The following RPS6KA5 variants were observed in gnomAD, a reference collection of about 807,000 sequenced individuals.
The protein encoded by RPS6KA5 is ribosomal protein S6 kinase alpha-5.
RPS6KA5 carries 27 observed loss-of-function variants against 85.5 expected under a neutral mutation model. The ratio of observed to expected loss-of-function variants is 0.32; its 90% CI spans 0.23 to 0.44. RPS6KA5 has a LOEUF of 0.44. Among genes scored for constraint, RPS6KA5 ranks in the 20% least tolerant of loss-of-function variants. The probability of loss-of-function intolerance (pLI) is 1.00; values close to 1 mark genes in which losing one functional copy is unlikely to be tolerated. For missense variants in RPS6KA5, 811 were observed against 980.9 expected (o/e 0.83, Z 2.31); for synonymous variants, 334 against 348.2 (o/e 0.96, Z 0.46).
intron 1 of RPS6KA5, among the ~76,000 whole-genome samples, chr14:91,031,909 G>C (rs1253055574): frequency 6.6e-5 from 10 of 152,054 alleles, no homozygotes; most frequent in Admixed American, 2.0e-4. Flanking sequence ...GAAAATATTA[G>C]AAAAGAGTAG....
At chr14:90,970,368 T>C (rs574704725) in intron 3 of RPS6KA5, among the ~76,000 whole-genome samples, 8 of 152,334 alleles carry the variant, frequency 5.3e-5, no homozygotes, top group Admixed American at 2.0e-4. Context: ...CTTACAATTA[T>C]TGAGATGAAA....
At chr14:90,909,009 G>A (rs965592112) in intron 7 of RPS6KA5, among the ~76,000 whole-genome samples, 2 of 152,230 alleles carry the variant, frequency 1.3e-5, no homozygotes, top group Non-Finnish European at 2.9e-5. Flanking sequence ...GTTTGATGCT[G>A]TAATGTCGAT....
intron 1 of RPS6KA5, among the ~76,000 whole-genome samples, chr14:91,044,817 G>C (rs967680832): frequency 4.0e-5 from 6 of 150,548 alleles, no homozygotes; most frequent in African/African-American, 1.5e-4. Flanking sequence ...GTTGCAGTGA[G>C]CCGAGACCGC....
intron 2 of RPS6KA5, among the ~76,000 whole-genome samples, chr14:90,980,423 A>G (rs1209792312): frequency 2.6e-5 from 4 of 152,226 alleles, no homozygotes; most frequent in Non-Finnish European, 4.4e-5. Flanking sequence ...CAAGATCACC[A>G]AACATGGCTG....
intron 2 of RPS6KA5, among the ~76,000 whole-genome samples, chr14:90,980,401 G>T (rs1186099247): frequency 6.6e-6 from 1 of 152,162 alleles, no homozygotes; most frequent in Non-Finnish European, 1.5e-5. Context: ...TCAAAACCAG[G>T]AATTCTTTCC....
At chr14:90,912,389 C>A (rs536819473) in intron 7 of RPS6KA5, among the ~76,000 whole-genome samples, 1 of 152,200 alleles carries the variant, frequency 6.6e-6, no homozygotes, top group Non-Finnish European at 1.5e-5. Context: ...ACAAGTGATA[C>A]CCGTGAAGAC....
At chr14:90,989,029 A>G (rs1207551531) in intron 2 of RPS6KA5, among the ~76,000 whole-genome samples, 1 of 152,208 alleles carries the variant, frequency 6.6e-6, no homozygotes, top group Non-Finnish European at 1.5e-5. Context: ...GTAAGTGACT[A>G]TATAAAATAA....
intron 3 of RPS6KA5, among the ~76,000 whole-genome samples, chr14:90,973,552 A>C (rs74971866): frequency 0.045 from 6,865 of 152,114 alleles, 397 homozygotes; most frequent in African/African-American, 0.12. Context: ...CGTGCAAGTT[A>C]TCCCTGAAGC....
Position 90,872,168 on chromosome 14 carries a change from C to T in RPS6KA5, c.2315G>A (p.Gly772Asp), listed in dbSNP as rs768374038. The T allele has an allele frequency of 6.2e-7, 1 of 1,613,706 alleles. No homozygotes were observed. The highest frequency in any genetic ancestry group is 8.5e-7 in the Non-Finnish European group (1 of 1,179,940). ...CAGTGTCTTGGTGGGTGTAGTTTTA[C>T]CGTGAGAATGAGAGGAAGAAGAATG... ...SSHSSSSHSH[G>D]KTTPTKTLQP... The change falls in exon 17 of 17, where the codon GGT (glycine) becomes GAT (aspartate). Residue 772 changes from glycine (G) to aspartate (D), a missense_variant. Gly to Asp is a moderately conservative substitution (Grantham distance 94, BLOSUM62 -1). This residue lies in a region of RPS6KA5 where 650 missense variants were observed against 793.4 expected (regional missense o/e 0.82). Transcript: ENST00000614987.
intron 5 of RPS6KA5, among the ~76,000 whole-genome samples, chr14:90,923,946 G>C (rs1234438105): frequency 6.6e-6 from 1 of 151,988 alleles, no homozygotes; most frequent in African/African-American, 2.4e-5. Flanking sequence ...TCTCAACTTA[G>C]AGGAAGCTCA....
chr14:90,904,633 A>G (rs2035401742), intron 8 of RPS6KA5, among the ~76,000 whole-genome samples: 1 of 152,156 alleles, frequency 6.6e-6, no homozygotes, highest in South Asian at 2.1e-4. Flanking sequence ...GGGTAATTTA[A>G]AGAAACATGT....
At chr14:90,924,801 C>T (rs2036575625) in intron 5 of RPS6KA5, among the ~76,000 whole-genome samples, 1 of 152,230 alleles carries the variant, frequency 6.6e-6, no homozygotes, top group African/African-American at 2.4e-5. Flanking sequence ...GGATATAAAG[C>T]TGGTTTCCTT....
At chr14:90,949,299 T>A (rs1286110) in intron 3 of RPS6KA5, among the ~76,000 whole-genome samples, 111,208 of 152,160 alleles carry the variant, frequency 0.73, 40,805 homozygotes, top group East Asian at 0.97. Flanking sequence ...CAATCATCTC[T>A]TCTTCTATGG....
At chr14:90,984,803 A>G (rs1385396337) in intron 2 of RPS6KA5, among the ~76,000 whole-genome samples, 2 of 152,266 alleles carry the variant, frequency 1.3e-5, no homozygotes, top group Non-Finnish European at 1.5e-5. Flanking sequence ...GAAGACATCC[A>G]TGCTGCCATG....
chr14:90,947,849 T>C (rs981899223), intron 3 of RPS6KA5, among the ~76,000 whole-genome samples: 4 of 152,236 alleles, frequency 2.6e-5, no homozygotes, highest in African/African-American at 9.6e-5. Context: ...CAGAAACCTC[T>C]GCCATAACCA....
At chr14:90,992,691 G>C (rs2040362226) in intron 2 of RPS6KA5, among the ~76,000 whole-genome samples, 1 of 152,180 alleles carries the variant, frequency 6.6e-6, no homozygotes, top group Non-Finnish European at 1.5e-5. Flanking sequence ...TGGAAGATCA[G>C]AATTATCTAT....
chr14:91,005,302 T>A (rs1018179620), intron 1 of RPS6KA5, among the ~76,000 whole-genome samples: 4 of 152,228 alleles, frequency 2.6e-5, no homozygotes, highest in Non-Finnish European at 5.9e-5. Context: ...ACTACTGCCA[T>A]CATAAATTAA....
In RPS6KA5 at chr14:91,039,324, C is replaced by G. The variant is rs577736217; in HGVS notation, c.103+21008G>C. On this transcript the variant is annotated intron_variant, in intron 1 of 16. Coordinates refer to ENST00000614987, the MANE Select transcript of RPS6KA5 (RefSeq NM_004755.4). ...CCATGGTAGATAATAAATGTCTTAG[C>G]CTGGATTCATGAAAGCGATTTGGAA... 2.6e-5 allele frequency among the ~76,000 whole-genome samples: 4 copies of G among 152,162 alleles called. No homozygotes were observed. In the East Asian group the frequency reaches 7.7e-4, roughly 29 times the overall value.
Position 91,060,451 on chromosome 14 carries a change from G to A in RPS6KA5, c.-17C>T. 1 of 1,436,144 alleles carries A rather than the reference G, an allele frequency of 7.0e-7. No homozygotes were observed. Among genetic ancestry groups the A allele is most frequent in the Non-Finnish European group, 9.2e-7 (1 of 1,082,096 alleles). The allele number at this position is 1,436,144 out of a possible 1,614,324, so 89.0% of individuals were successfully genotyped here. A position where few individuals can be genotyped will look rare whatever the true frequency, so the allele number is the denominator to read the frequency against. On this transcript the variant is annotated 5_prime_UTR_variant, in exon 1 of 17. Coordinates refer to ENST00000614987, the MANE Select transcript of RPS6KA5 (RefSeq NM_004755.4). ...CTCCTCCATCTTCTCCTTTTTTTCC[G>A]ATCCCGCGGGTCGCTACGAGGGGAA...
Sources: allele counts gnomAD v4.1 joint callset (sites outside exome capture counted in the v4.1 genomes callset), GRCh38; gene constraint gnomAD v4.1.1; regional missense constraint gnomAD v4.1.1; transcripts MANE v1.5; gene names NCBI Gene and HGNC (gene_info 2026-07-23, HGNC 2026-07-21).